Variants in SOX5 observed in about 807,000 individuals in gnomAD.
SOX5 encodes the protein SRY-box transcription factor 5.
A neutral mutation model predicts 92.0 loss-of-function variants in SOX5; 9 were observed. That is an observed-to-expected ratio of 0.10 (90% CI 0.06 to 0.17). SOX5 has a LOEUF of 0.17. SOX5 is among the 10% of genes least tolerant of loss of function. The pLI is 1.00. For synonymous variants in SOX5, 344 were observed against 336.3 expected, an observed-to-expected ratio of 1.02 and a Z score of -0.25; for missense variants, 642 against 944.5, an observed-to-expected ratio of 0.68 and a Z score of 4.20.
At chr12:23,867,382 C>G (rs1476148119) in intron 2 of SOX5, among the ~76,000 whole-genome samples, 3 of 152,074 alleles carry the variant, frequency 2.0e-5, no homozygotes, top group Non-Finnish European at 4.4e-5. Context: ...AAGATTTAAG[C>G]AAAAATCACA....
chr12:23,679,876 C>T (rs1428769432), intron 6 of SOX5, among the ~76,000 whole-genome samples: 3 of 151,398 alleles, frequency 2.0e-5, no homozygotes, highest in Admixed American at 1.3e-4. Flanking sequence ...CCAAAGATAT[C>T]AAGGTAGTGG....
intron 4 of SOX5, among the ~76,000 whole-genome samples, chr12:24,008,691 C>T (rs1167866327): frequency 2.0e-5 from 3 of 151,976 alleles, no homozygotes; most frequent in Admixed American, 6.6e-5. Flanking sequence ...TTTTGAATAA[C>T]TTGCAGGTAA....
In SOX5 at chr12:23,999,170, GTGTGTGTA is replaced by G. The variant is rs1247517116; in HGVS notation, c.-1-103154_-1-103147del. On this transcript the variant is annotated intron_variant, in intron 4 of 4. Coordinates refer to the SOX5 transcript ENST00000446891. ...TGTGTGTGTGTGTGTGTGTGTGTGTGTGTGTGTACCATTGCTTCTCTTAAGTGATTTAA... is the reference window on the plus strand; with the variant it reads ...TGTGTGTGTGTGTGTGTGTGTGTGTGCCATTGCTTCTCTTAAGTGATTTAA... Among the ~76,000 whole-genome samples the G allele has an allele frequency of 4.4e-3, 653 of 148,610 alleles. 6 individuals carry two copies. Among genetic ancestry groups the G allele is most frequent in the African/African-American group, 0.015 (569 of 38,778 alleles).
At chr12:24,552,883 T>A (rs924728603) in intron 1 of SOX5, among the ~76,000 whole-genome samples, 21 of 152,024 alleles carry the variant, frequency 1.4e-4, no homozygotes, top group Admixed American at 4.6e-4. Context: ...TTAAAGCAAA[T>A]TAGCTGGGCA....
intron 4 of SOX5, among the ~76,000 whole-genome samples, chr12:24,029,175 C>T (rs2136813999): frequency 6.6e-6 from 1 of 152,016 alleles, no homozygotes; most frequent in African/African-American, 2.4e-5. Context: ...ACTGTAGTTC[C>T]TTTTAAATCC....
At chr12:23,851,362 G>T (rs2096631752) in intron 2 of SOX5, among the ~76,000 whole-genome samples, 1 of 152,048 alleles carries the variant, frequency 6.6e-6, no homozygotes, top group Non-Finnish European at 1.5e-5. Context: ...AGTTTTATCA[G>T]CTCAATTTTC....
At chr12:23,795,037 G>A (rs1164052296) in intron 3 of SOX5, among the ~76,000 whole-genome samples, 1 of 152,012 alleles carries the variant, frequency 6.6e-6, no homozygotes, top group Non-Finnish European at 1.5e-5. Context: ...AGTGGCTACG[G>A]CTCTTGAATT....
intron 4 of SOX5, among the ~76,000 whole-genome samples, chr12:24,058,620 C>T (rs988005878): frequency 6.6e-6 from 1 of 152,092 alleles, no homozygotes; most frequent in Non-Finnish European, 1.5e-5. Flanking sequence ...GAAAAAAATT[C>T]TGTAAGTATA....
chr12:23,908,367 A>T (rs1595556784), intron 1 of SOX5, among the ~76,000 whole-genome samples: 1 of 152,000 alleles, frequency 6.6e-6, no homozygotes, highest in South Asian at 2.1e-4. Flanking sequence ...ATGAAGAGAA[A>T]TATTATGACC....
intron 4 of SOX5, among the ~76,000 whole-genome samples, chr12:24,017,185 C>T (rs150815593): frequency 2.6e-4 from 39 of 152,194 alleles, no homozygotes; most frequent in African/African-American, 7.2e-4. Flanking sequence ...AAGGCACCAA[C>T]GCATATAAGG....
At chr12:24,043,635 T>A (rs940388629) in intron 4 of SOX5, among the ~76,000 whole-genome samples, 24 of 152,232 alleles carry the variant, frequency 1.6e-4, no homozygotes, top group Non-Finnish European at 2.4e-4. Flanking sequence ...GTGTTTTTAG[T>A]ATCCTAACAA....
At chr12:24,031,967 G>A (rs946811806) in intron 4 of SOX5, among the ~76,000 whole-genome samples, 11 of 151,894 alleles carry the variant, frequency 7.2e-5, no homozygotes, top group African/African-American at 2.7e-4. Context: ...AAGGATTATA[G>A]CAGAGAAAAT....
At chr12:24,242,245 A>G (rs1487570698) in intron 3 of SOX5, among the ~76,000 whole-genome samples, 1 of 152,210 alleles carries the variant, frequency 6.6e-6, no homozygotes, top group Non-Finnish European at 1.5e-5. Context: ...TTTTTGATAT[A>G]GAAGTGGAGA....
intron 4 of SOX5, among the ~76,000 whole-genome samples, chr12:24,113,126 T>C (rs1450437992): frequency 6.6e-6 from 1 of 151,252 alleles, no homozygotes; most frequent in Non-Finnish European, 1.5e-5. Context: ...ACCTGTAATA[T>C]AAAGTAGGAA....
At chr12:24,493,177 T>C (rs763551915) in intron 1 of SOX5, among the ~76,000 whole-genome samples, 1 of 152,232 alleles carries the variant, frequency 6.6e-6, no homozygotes, top group Non-Finnish European at 1.5e-5. Context: ...ATTTTATTTA[T>C]GGGTGGGAGA....
chr12:24,307,179 C>A (rs1948661162), intron 2 of SOX5, among the ~76,000 whole-genome samples: 1 of 152,160 alleles, frequency 6.6e-6, no homozygotes, highest in African/African-American at 2.4e-5. Flanking sequence ...CAAGAACTTT[C>A]ACACACGTCG....
chr12:23,775,218 A>C (rs1229952032), intron 3 of SOX5, among the ~76,000 whole-genome samples: 1 of 152,206 alleles, frequency 6.6e-6, no homozygotes, highest in African/African-American at 2.4e-5. Context: ...GAAAATCATT[A>C]ATACTTATTG....
chr12:24,455,789 C>T (rs1357013550), intron 1 of SOX5, among the ~76,000 whole-genome samples: 1 of 152,184 alleles, frequency 6.6e-6, no homozygotes, highest in Non-Finnish European at 1.5e-5. Context: ...CCAAGGCCCT[C>T]CTTCCAGCTG....
chr12:23,665,841 C>A (rs2083707727), intron 6 of SOX5, among the ~76,000 whole-genome samples: 1 of 152,120 alleles, frequency 6.6e-6, no homozygotes, highest in South Asian at 2.1e-4. Flanking sequence ...AATATCACTA[C>A]TTTGCATGAT....
Sources: allele counts gnomAD v4.1 joint callset (sites outside exome capture counted in the v4.1 genomes callset), GRCh38; gene constraint gnomAD v4.1.1; transcripts MANE v1.5; gene names NCBI Gene and HGNC (gene_info 2026-07-23, HGNC 2026-07-21).